Variants in HDAC9 observed in about 807,000 individuals in gnomAD.
The protein encoded by HDAC9 is histone deacetylase 9.
Under a neutral mutation model 139.4 loss-of-function variants are expected in HDAC9, and 41 were observed. The ratio of observed to expected loss-of-function variants is 0.29; its 90% CI spans 0.23 to 0.38. The LOEUF is 0.38. HDAC9 is among the 10% of genes least tolerant of loss of function. The probability of loss-of-function intolerance (pLI) is 1.00; values close to 1 mark genes in which losing one functional copy is unlikely to be tolerated. For missense variants in HDAC9, 1,147 were observed against 1,297.0 expected, an observed-to-expected ratio of 0.88 and a Z score of 1.78; for synonymous variants, 517 against 476.2, an observed-to-expected ratio of 1.09 and a Z score of -1.12.
At chr7:18,708,574 G>A (rs1784111556) in intron 12 of HDAC9, among the ~76,000 whole-genome samples, 2 of 152,180 alleles carry the variant, frequency 1.3e-5, no homozygotes, top group African/African-American at 2.4e-5. Flanking sequence ...AGTTTGTACT[G>A]GAAAGGGAGA....
At chr7:18,368,108 A>G (rs1258168030) in intron 1 of HDAC9, among the ~76,000 whole-genome samples, 1 of 152,126 alleles carries the variant, frequency 6.6e-6, no homozygotes, top group Non-Finnish European at 1.5e-5. Flanking sequence ...CCCAGATTGC[A>G]TATCATCCTT....
At chr7:18,877,492 C>G (rs1369234216) in intron 22 of HDAC9, among the ~76,000 whole-genome samples, 5 of 152,104 alleles carry the variant, frequency 3.3e-5, no homozygotes, top group Admixed American at 3.3e-4. Context: ...CCGTGTTTTC[C>G]AATTCTAGCA....
At chr7:18,144,859 A>AC (rs1786180847) in intron 1 of HDAC9, among the ~76,000 whole-genome samples, 1 of 152,012 alleles carries the variant, frequency 6.6e-6, no homozygotes, top group Admixed American at 6.6e-5. Flanking sequence ...TCTTCTAACC[A>AC]CCTTGAAGTT....
intron 1 of HDAC9, among the ~76,000 whole-genome samples, chr7:18,353,467 G>A (rs573860840): frequency 6.6e-6 from 1 of 152,152 alleles, no homozygotes; most frequent in African/African-American, 2.4e-5. Flanking sequence ...ATTAAAGAAT[G>A]TTAAGTAAAT....
chr7:18,770,731 C>A (rs146013137), intron 16 of HDAC9, among the ~76,000 whole-genome samples: 1 of 152,282 alleles, frequency 6.6e-6, no homozygotes, highest in Non-Finnish European at 1.5e-5. Flanking sequence ...TCAGAGGAGG[C>A]AACTCCAATC....
At chr7:18,544,696 A>G (rs527693973) in intron 2 of HDAC9, among the ~76,000 whole-genome samples, 7 of 152,310 alleles carry the variant, frequency 4.6e-5, no homozygotes. Flanking sequence ...GAACAGGAGG[A>G]TGTGGACTAT....
rs1229119051 is a variant in HDAC9, at chr7:19,001,342, G to T, written c.*5280G>T. On this transcript the variant is annotated 3_prime_UTR_variant, in exon 26 of 26. Coordinates refer to ENST00000686413, the MANE Select transcript of HDAC9 (RefSeq NM_178425.4). ...TGGAATCGTTTTATTTTTTTGTTTG[G>T]GCCTTAGGCACAATAGAAGCAAATG... The T allele has an allele frequency of 6.6e-6, 1 of 151,514 alleles. No individual in the cohort carries two copies. Among genetic ancestry groups the T allele is most frequent in the Non-Finnish European group, 1.5e-5 (1 of 67,820 alleles). The allele number at this position is 151,514 out of a possible 1,614,324, so 9.4% of individuals were successfully genotyped here.
chr7:18,807,888 G>A (rs1433308358), intron 17 of HDAC9: 1 of 152,172 alleles, frequency 6.6e-6, no homozygotes, highest in African/African-American at 2.4e-5. Flanking sequence ...TGAGGAGAAT[G>A]TGTATTCTGC....
At chr7:18,589,960 T>C (rs1830479526) in intron 3 of HDAC9, among the ~76,000 whole-genome samples, 1 of 152,192 alleles carries the variant, frequency 6.6e-6, no homozygotes. Flanking sequence ...CAGTTGTTCA[T>C]TTATAATGTG....
At chr7:18,478,344 T>C (rs996571326) in intron 1 of HDAC9, among the ~76,000 whole-genome samples, 2 of 152,236 alleles carry the variant, frequency 1.3e-5, no homozygotes, top group Non-Finnish European at 2.9e-5. Flanking sequence ...GTGCTGGGAT[T>C]ACAGGCGTGA....
intron 14 of HDAC9, among the ~76,000 whole-genome samples, chr7:18,757,662 A>G (rs189481870): frequency 1.4e-4 from 21 of 152,252 alleles, no homozygotes; most frequent in Admixed American, 1.1e-3. Context: ...TGAACACAGG[A>G]GGGAAAGGAA....
chr7:18,893,154 G>C (rs1218980318), intron 22 of HDAC9, among the ~76,000 whole-genome samples: 1 of 151,400 alleles, frequency 6.6e-6, no homozygotes, highest in Admixed American at 6.6e-5. Context: ...TACCCCTAAC[G>C]TTCTTTTCAT....
At position 18,778,588 on chromosome 7, in the gene HDAC9, T is replaced by G. The variant is rs1790978267; in HGVS notation, c.2214+11433T>G. 3.9e-5 allele frequency among the ~76,000 whole-genome samples: 6 copies of G among 152,068 alleles called. No individual in the cohort carries two copies. In the South Asian group the frequency reaches 1.2e-3, roughly 31 times the overall value. On this transcript the variant is annotated intron_variant, in intron 16 of 25. Coordinates refer to ENST00000686413, the MANE Select transcript of HDAC9 (RefSeq NM_178425.4). The stretch of plus-strand genomic sequence containing the variant: ...TAAAATGGTATTTCTTGGCTCTGTC[T>G]CTAACTCAGTCTTGGTAGAACTGAC...
At chr7:18,606,897 A>T (rs1835669471) in intron 6 of HDAC9, among the ~76,000 whole-genome samples, 1 of 152,184 alleles carries the variant, frequency 6.6e-6, no homozygotes, top group Non-Finnish European at 1.5e-5. Context: ...GCAGGGAGTT[A>T]GTGGTATACA....
chr7:18,375,303 C>G (rs986767095), intron 1 of HDAC9, among the ~76,000 whole-genome samples: 1 of 152,124 alleles, frequency 6.6e-6, no homozygotes, highest in African/African-American at 2.4e-5. Flanking sequence ...AACCCCATCT[C>G]TACTAAAAAT....
chr7:18,705,102 GA>G (rs2129107181), intron 12 of HDAC9, among the ~76,000 whole-genome samples: 1 of 152,194 alleles, frequency 6.6e-6, no homozygotes, highest in Non-Finnish European at 1.5e-5. Context: ...ATTAAATGGG[GA>G]TTGACTGATG....
rs114889917 is a variant in HDAC9 at position 18,979,671 on chromosome 7, G to A, written c.3170+3718G>A. Among the ~76,000 whole-genome samples the A allele has an allele frequency of 2.2e-3, 334 of 152,294 alleles. 1 individual carries two copies. The highest frequency in any genetic ancestry group is 7.8e-3 in the African/African-American group (324 of 41,568). On this transcript the variant is annotated intron_variant, in intron 25 of 25. Coordinates refer to ENST00000686413, the MANE Select transcript of HDAC9 (RefSeq NM_178425.4). ...GGAAGCAAGTTCCTGGCATCTGCTT[G>A]GCTTCTCCAGAGGCCTCAGGAAGCT...
chr7:18,216,125 T>A (rs1026222007), intron 2 of HDAC9, among the ~76,000 whole-genome samples: 11 of 150,732 alleles, frequency 7.3e-5, no homozygotes, highest in African/African-American at 2.7e-4. Context: ...TGTGTGTGTG[T>A]GTGTGAGAGA....
intron 1 of HDAC9, among the ~76,000 whole-genome samples, chr7:18,405,304 T>G (rs947748176): frequency 6.6e-6 from 1 of 152,242 alleles, no homozygotes; most frequent in Non-Finnish European, 1.5e-5. Context: ...TACCTAAACA[T>G]GCACAAATAT....
Sources: allele counts gnomAD v4.1 joint callset (sites outside exome capture counted in the v4.1 genomes callset), GRCh38; gene constraint gnomAD v4.1.1; transcripts MANE v1.5; gene names NCBI Gene and HGNC (gene_info 2026-07-23, HGNC 2026-07-21).